FANCI: variants seen among roughly 807,000 people sequenced by gnomAD.
FANCI encodes the protein Fanconi anemia group I protein.
Under a neutral mutation model 176.1 loss-of-function variants are expected in FANCI, and 156 were observed. The observed-to-expected ratio is 0.89, with a 90% CI of 0.78 to 1.01. The LOEUF (loss-of-function observed/expected upper bound fraction) is 1.01. Among genes scored for constraint, FANCI ranks in the 50% least tolerant of loss-of-function variants. The probability of loss-of-function intolerance (pLI) is 0.00; values close to 1 mark genes in which losing one functional copy is unlikely to be tolerated. For missense variants in FANCI, 1,678 were observed against 1,534.1 expected (o/e 1.09, Z -1.57); for synonymous variants, 613 against 541.7 (o/e 1.13, Z -1.83).
intron 12 of FANCI, among the ~76,000 whole-genome samples, chr15:89,275,959 A>G (rs1395394179): frequency 6.6e-6 from 1 of 152,186 alleles, no homozygotes; most frequent in Non-Finnish European, 1.5e-5. Flanking sequence ...TGCATTCTCC[A>G]TTTTATGTAA....
At chr15:89,249,198 C>T (rs887083506) in intron 2 of FANCI, among the ~76,000 whole-genome samples, 3 of 152,068 alleles carry the variant, frequency 2.0e-5, no homozygotes, top group Admixed American at 6.6e-5. Flanking sequence ...AAATGTCCCA[C>T]AGAAGATGAA....
chr15:89,288,620 C>CTT (rs35459053), intron 18 of FANCI, among the ~76,000 whole-genome samples: 63 of 141,066 alleles, frequency 4.5e-4, no homozygotes, highest in Middle Eastern at 3.7e-3. Flanking sequence ...TCTTCTATTA[C>CTT]TTTTTTTTTT....
intron 27 of FANCI, among the ~76,000 whole-genome samples, chr15:89,303,148 G>T (rs2151886614): frequency 6.6e-6 from 1 of 152,280 alleles, no homozygotes; most frequent in South Asian, 2.1e-4. Flanking sequence ...ACGGTATTCT[G>T]AAGATCTTTT....
At chr15:89,316,329 CTTCT>C (rs948105480) in intron 37 of FANCI, 64 bp from the exon 38 acceptor site, 7 of 1,482,580 alleles carry the variant, frequency 4.7e-6, no homozygotes, top group Non-Finnish European at 6.5e-6. Flanking sequence ...CTTTTTTTTC[CTTCT>C]TTTTATTTCC....
chr15:89,252,847 C>A (rs2052321088), intron 2 of FANCI, among the ~76,000 whole-genome samples: 1 of 152,178 alleles, frequency 6.6e-6, no homozygotes, highest in Non-Finnish European at 1.5e-5. Context: ...ATCCCCTGTT[C>A]TTGATTGGGG....
chr15:89,244,528 A>C, intron 1 of FANCI, among the ~76,000 whole-genome samples: 1 of 152,096 alleles, frequency 6.6e-6, no homozygotes, highest in African/African-American at 2.4e-5. Context: ...GCGTTCAGGG[A>C]ATTCACAGCC....
intron 35 of FANCI, among the ~76,000 whole-genome samples, chr15:89,314,002 C>A (rs2055082405): frequency 6.9e-6 from 1 of 144,974 alleles, no homozygotes; most frequent in South Asian, 2.2e-4. Context: ...CACACACACA[C>A]AAATGTAGGA....
chr15:89,256,928 A>G (rs998025395), intron 2 of FANCI, among the ~76,000 whole-genome samples: 3 of 151,902 alleles, frequency 2.0e-5, no homozygotes, highest in African/African-American at 7.3e-5. Flanking sequence ...TTTTTTTGAT[A>G]TGGAGTCTCG....
chr15:89,277,511 GTGAC>G (rs2053452608), intron 13 of FANCI, among the ~76,000 whole-genome samples: 1 of 151,112 alleles, frequency 6.6e-6, no homozygotes, highest in Non-Finnish European at 1.5e-5. Flanking sequence ...AGCTACTTAG[GTGAC>G]TGAGGTGGAT....
chr15:89,258,661 A>G lies in FANCI; in HGVS notation c.85-43A>G, dbSNP rs3743379. On this transcript the variant is annotated intron_variant, in intron 2 of 37. Coordinates refer to ENST00000310775, the MANE Select transcript of FANCI (RefSeq NM_001113378.2). ...ATTGAGTGTTTAGGTCATTGGGGTA[A>G]AAGACTGTTGCCAGAGACTTGTACC... 489 of 1,469,894 alleles carry G rather than the reference A, an allele frequency of 3.3e-4. 3 individuals carry two copies. In the East Asian group the frequency reaches 9.6e-3, roughly 29 times the overall value. The allele number at this position is 1,469,894 out of a possible 1,614,324, so 91.1% of individuals were successfully genotyped here. A position where few individuals can be genotyped will look rare whatever the true frequency, so the allele number is the denominator to read the frequency against.
intron 32 of FANCI, 127 bp from the exon 33 acceptor site, chr15:89,307,349 G>T: frequency 1.2e-6 from 1 of 868,320 alleles, no homozygotes; most frequent in Non-Finnish European, 1.9e-6. Flanking sequence ...CTTGTGTCTT[G>T]GCTTCTCTGT....
intron 34 of FANCI, chr15:89,307,881 A>G: frequency 6.9e-7 from 1 of 1,441,708 alleles, no homozygotes. Context: ...CTTAATTTGG[A>G]GAAAGGAAGC....
chr15:89,299,847 C>A lies in FANCI; in HGVS notation c.2684C>A (p.Ser895Ter), dbSNP rs762647324. The A allele has an allele frequency of 1.2e-6, 2 of 1,613,446 alleles. No individual in the cohort carries two copies. Among genetic ancestry groups the A allele is most frequent in the South Asian group, 2.2e-5 (2 of 90,980 alleles). Residue 895 changes from serine (S) to a stop codon, truncating the protein, a stop_gained, in exon 25 of 38, where the codon TCG becomes TAG. Transcript: ENST00000310775. LOFTEE classifies it high-confidence loss of function. ...YTSIPTSVEE[S>*]GKKEKGKSIS... ...TCAATTCCTACTTCAGTGGAAGAGT[C>A]GGGAAAGAAAGAGAAAGGAAAGAGC...
intron 34 of FANCI, among the ~76,000 whole-genome samples, chr15:89,308,361 G>C (rs2054810079): frequency 6.6e-6 from 1 of 152,136 alleles, no homozygotes; most frequent in Non-Finnish European, 1.5e-5. Context: ...ATCACCCCTC[G>C]TTGGAAAGAG....
chr15:89,244,716 C>A (rs1008011443), intron 1 of FANCI, among the ~76,000 whole-genome samples: 1 of 152,188 alleles, frequency 6.6e-6, no homozygotes, highest in African/African-American at 2.4e-5. Context: ...CGGAGCTGGA[C>A]AGACTCGGGT....
intron 1 of FANCI, among the ~76,000 whole-genome samples, chr15:89,246,684 G>A (rs1322296615): frequency 1.3e-5 from 2 of 151,440 alleles, no homozygotes; most frequent in East Asian, 1.9e-4. Flanking sequence ...CCTCTGCTGC[G>A]AAACCTTGAC....
rs910630237 is a variant in FANCI, at chr15:89,247,004, C to T, written c.-19-625C>T. ...CAAAATGGTCTCGATCTCCTGACTTCGTGATCTGCCCTCCTCAGCCTCCCA... is the reference window on the plus strand; with the variant it reads ...CAAAATGGTCTCGATCTCCTGACTTTGTGATCTGCCCTCCTCAGCCTCCCA... On this transcript the variant is annotated intron_variant, in intron 1 of 37. Transcript: ENST00000310775. Among the ~76,000 whole-genome samples the T allele has an allele frequency of 1.1e-4, 17 of 151,094 alleles. 1 individual carries two copies. Among genetic ancestry groups the T allele is most frequent in the Admixed American group, 1.1e-3 (16 of 15,164 alleles).
At position 89,283,194 on chromosome 15, in the gene FANCI, A is replaced by G. The variant is rs536288239; in HGVS notation, c.1642A>G (p.Lys548Glu). The change falls in exon 17 of 38, where the codon AAA becomes GAA. Residue 548 changes from lysine to glutamate, a missense_variant. Coordinates refer to ENST00000310775, the MANE Select transcript of FANCI (RefSeq NM_001113378.2). ...AGFLLLLKNF[K>E]VLGSLSSSQC... is the part of the protein sequence containing the mutation. ...GTTTTTGCTGCTCCTGAAGAACTTT[A>G]AAGTTTTAGGCAGCCTGTCATCCTC... 1.9e-6 allele frequency: 3 copies of G among 1,614,178 alleles called. No homozygotes were observed. Among genetic ancestry groups the G allele is most frequent in the African/African-American group, 1.3e-5 (1 of 75,050 alleles).
rs547888632 is a variant in FANCI, at chr15:89,279,540, A to T, written c.1381+766A>T. 2.0e-5 allele frequency among the ~76,000 whole-genome samples: 3 copies of T among 152,320 alleles called. No homozygotes were observed. The East Asian group carries it at 5.8e-4, about 29-fold the overall frequency. The stretch of plus-strand genomic sequence containing the variant: ...CAAATTTTAAAAATTTCTCCGTGTC[A>T]TTCATCACTGTTTATAACTCCCCTG... On this transcript the variant is annotated intron_variant, in intron 14 of 37. Coordinates refer to ENST00000310775, the MANE Select transcript of FANCI (RefSeq NM_001113378.2).
Sources: allele counts gnomAD v4.1 joint callset (sites outside exome capture counted in the v4.1 genomes callset), GRCh38; gene constraint gnomAD v4.1.1; transcripts MANE v1.5; gene names NCBI Gene and HGNC (gene_info 2026-07-23, HGNC 2026-07-21).